Variants in CES5A observed in about 807,000 individuals in gnomAD.
The protein encoded by CES5A is carboxylesterase 5.
In CES5A, 67 loss-of-function variants were observed where a neutral mutation model predicts 62.9. That is an observed-to-expected ratio of 1.07 (90% CI 0.88 to 1.31). The LOEUF is 1.31. CES5A is among the 50% of genes most tolerant of loss of function. The pLI is 0.00. For synonymous variants in CES5A, 296 were observed against 280.8 expected (o/e 1.05, Z -0.54); for missense variants, 748 against 708.5 (o/e 1.06, Z -0.63).
intron 1 of CES5A, among the ~76,000 whole-genome samples, chr16:55,889,441 G>A (rs1440104229): frequency 6.6e-6 from 1 of 152,104 alleles, no homozygotes; most frequent in African/African-American, 2.4e-5. Context: ...CAATTAATTT[G>A]CTAGAATGGC....
intron 6 of CES5A, among the ~76,000 whole-genome samples, chr16:55,863,146 A>G (rs116204348): frequency 0.012 from 1,776 of 152,282 alleles, 34 homozygotes; most frequent in African/African-American, 0.04. Flanking sequence ...ACTTGTGCAC[A>G]CCAGTGGTGT....
chr16:55,863,122 G>A (rs1394671227), intron 6 of CES5A, among the ~76,000 whole-genome samples: 3 of 152,148 alleles, frequency 2.0e-5, no homozygotes, highest in Non-Finnish European at 2.9e-5. Context: ...GAACCATAAC[G>A]CACATACACA....
chr16:55,882,491 G>T (rs1321774887), intron 1 of CES5A, among the ~76,000 whole-genome samples: 1 of 152,210 alleles, frequency 6.6e-6, no homozygotes, highest in South Asian at 2.1e-4. Flanking sequence ...CGTTTCCACC[G>T]TCACAGGCCT....
At chr16:55,847,251 TCCCTCTCTCTC>T (rs1362187930) in intron 11 of CES5A, among the ~76,000 whole-genome samples, 2 of 150,048 alleles carry the variant, frequency 1.3e-5, no homozygotes. Flanking sequence ...CTTCTCTCTC[TCCCTCTCTCTC>T]CCCTCTCTCT....
At chr16:55,917,552 G>A (rs1257131676) in intron 1 of CES5A, among the ~76,000 whole-genome samples, 2 of 152,188 alleles carry the variant, frequency 1.3e-5, no homozygotes. Context: ...CTGGCCATTG[G>A]CCAAATGCCT....
intron 1 of CES5A, among the ~76,000 whole-genome samples, chr16:55,900,077 G>A (rs933394000): frequency 1.3e-5 from 2 of 150,554 alleles, no homozygotes; most frequent in Non-Finnish European, 3.0e-5. Flanking sequence ...TGCAGATCCA[G>A]ACCTGAATGC....
At chr16:55,856,960 A>C (rs1343616357) in intron 8 of CES5A, among the ~76,000 whole-genome samples, 6 of 152,360 alleles carry the variant, frequency 3.9e-5, no homozygotes, top group Middle Eastern at 3.4e-3. Context: ...CTGTGGTGTA[A>C]GCCTCCCAGT....
chr16:55,866,195 C>T (rs1597121181), intron 4 of CES5A, 79 bp from the exon 5 acceptor site: 2 of 1,455,488 alleles, frequency 1.4e-6, no homozygotes, highest in Non-Finnish European at 1.9e-6. Context: ...TCAGCAGAGG[C>T]TGTGGGCAGG....
At chr16:55,919,849 G>C (rs1317579570) in intron 1 of CES5A, among the ~76,000 whole-genome samples, 1 of 152,166 alleles carries the variant, frequency 6.6e-6, no homozygotes, top group Non-Finnish European at 1.5e-5. Context: ...CCGGCAGTGT[G>C]CCAGGCACTT....
chr16:55,949,821 T>G, exon 2 of CES5A: 1 of 1,517,636 alleles, frequency 6.6e-7, no homozygotes, highest in African/African-American at 1.4e-5. Flanking sequence ...ACATCAATCC[T>G]CAATACATAC....
chr16:55,863,541 A>G lies in CES5A; in HGVS notation c.706-89T>C, dbSNP rs1198851349. On this transcript the variant is annotated intron_variant, in intron 5 of 12. Transcript: ENST00000290567. ...CCTCTTCAAAGAAACCTTCCCAGGA[A>G]GCCTCCTTAAAAGCTCTAAGCTTAG... 11 of 768,036 alleles carry G rather than the reference A, an allele frequency of 1.4e-5. No homozygotes were observed. The African/African-American group carries it at 1.9e-4, about 13-fold the overall frequency. The allele number at this position is 768,036 out of a possible 1,614,324, so 47.6% of individuals were successfully genotyped here. A position where few individuals can be genotyped will look rare whatever the true frequency, so the allele number is the denominator to read the frequency against.
chr16:55,866,748 G>A (rs1408875455), intron 4 of CES5A, among the ~76,000 whole-genome samples: 1 of 151,564 alleles, frequency 6.6e-6, no homozygotes, highest in Non-Finnish European at 1.5e-5. Context: ...TGAGGCAGGA[G>A]AATGGCTTGA....
upstream of CES5A, among the ~76,000 whole-genome samples, chr16:55,879,029 G>GCTGCACCCCATCA (rs2033732623): frequency 9.2e-6 from 1 of 108,576 alleles, no homozygotes; most frequent in African/African-American, 3.7e-5. Flanking sequence ...GCACCCCATT[G>GCTGCACCCCATCA]CTGCACCCCA....
At chr16:55,916,367 A>C (rs763677564) in intron 1 of CES5A, among the ~76,000 whole-genome samples, 21 of 152,142 alleles carry the variant, frequency 1.4e-4, no homozygotes, top group Non-Finnish European at 2.9e-4. Flanking sequence ...TTAGCTTTAC[A>C]AAGGTGGTTG....
chr16:55,869,450 G>C, intron 4 of CES5A, 161 bp downstream of exon 4: 9 of 1,312,588 alleles, frequency 6.9e-6, no homozygotes, highest in Non-Finnish European at 8.9e-6. Context: ...AACATTTTGG[G>C]ATTTATCTGC....
chr16:55,871,551 T>C (rs1053874943), intron 3 of CES5A, 74 bp downstream of exon 3: 37 of 1,545,382 alleles, frequency 2.4e-5, no homozygotes, highest in Non-Finnish European at 3.1e-5. Context: ...ATTCCAGACA[T>C]GTAGCTGCAC....
Position 55,866,084 on chromosome 16 carries a change from GCCCAGTT to G in CES5A, c.577_583del (p.Asn193ProfsTer26), listed in dbSNP as rs767081696. The G allele has an allele frequency of 1.9e-6, 3 of 1,613,878 alleles. No individual in the cohort carries two copies. The South Asian group carries it at 3.3e-5, about 18-fold the overall frequency. On this transcript the variant is annotated frameshift_variant, in exon 5 of 13. Transcript: ENST00000290567. LOFTEE classifies it high-confidence loss of function. ...CAGAGCAGCCACCTGGTCCTTGAAG[GCCCAGTT>G]CCCCGGAGCATGCTGATCCCATGTG...
intron 6 of CES5A, 106 bp from the exon 7 acceptor site, chr16:55,861,622 T>A: frequency 2.6e-6 from 2 of 769,672 alleles, no homozygotes; most frequent in South Asian, 2.9e-5. Flanking sequence ...CCTCCATATA[T>A]GAGTCCATCC....
intron 2 of CES5A, among the ~76,000 whole-genome samples, chr16:55,939,963 T>A (rs563797292): frequency 3.2e-4 from 49 of 152,054 alleles, no homozygotes; most frequent in African/African-American, 1.2e-3. Flanking sequence ...TGAGAAAATA[T>A]TTGAACTGAA....
Sources: gnomAD v4.1 joint callset for allele counts (sites outside exome capture counted in the v4.1 genomes callset) on GRCh38, gnomAD v4.1.1 for gene constraint, MANE v1.5 for transcripts, NCBI Gene and HGNC (gene_info 2026-07-23, HGNC 2026-07-21) for gene names.